The following SNRNP40 variants were observed in gnomAD, a reference collection of about 807,000 sequenced individuals.
The protein encoded by SNRNP40 is U5 small nuclear ribonucleoprotein 40 kDa protein.
SNRNP40 carries 21 observed loss-of-function variants against 45.8 expected under a neutral mutation model. The ratio of observed to expected loss-of-function variants is 0.46; its 90% CI spans 0.32 to 0.66. SNRNP40 has a LOEUF of 0.66. SNRNP40 is among the 30% of genes least tolerant of loss of function. SNRNP40 has a pLI of 0.03. For synonymous variants in SNRNP40, 142 were observed against 163.8 expected, an observed-to-expected ratio of 0.87 and a Z score of 1.01; for missense variants, 344 against 439.1, an observed-to-expected ratio of 0.78 and a Z score of 1.94.
intron 7 of SNRNP40, among the ~76,000 whole-genome samples, chr1:31,268,610 T>C (rs1303655481): frequency 1.3e-5 from 2 of 151,848 alleles, no homozygotes; most frequent in Non-Finnish European, 2.9e-5. Context: ...TGAATCTCAA[T>C]GAGCTCTCAA....
rs1254920349 is a variant in SNRNP40, at chr1:31,267,943, C to T, written c.859-11G>A. The T allele has an allele frequency of 1.2e-6, 2 of 1,601,704 alleles. No homozygotes were observed. Among genetic ancestry groups the T allele is most frequent in the East Asian group, 2.2e-5 (1 of 44,770 alleles). ...ACATCTCAGAAGGTTCTATGATAAA[C>T]AAGAATCCACTGAATAGTAATATAC... On this transcript the variant is annotated splice_polypyrimidine_tract_variant and intron_variant, in intron 7 of 9. Coordinates refer to ENST00000263694, the MANE Select transcript of SNRNP40 (RefSeq NM_004814.3).
At chr1:31,291,885 C>A (rs761640087) in intron 3 of SNRNP40, 28 bp downstream of exon 3, 1 of 1,436,864 alleles carries the variant, frequency 7.0e-7, no homozygotes, top group Non-Finnish European at 9.8e-7. Context: ...GTATGAGAAG[C>A]TGTCCTTCCA....
chr1:31,294,149 G>A (rs1259077246), intron 1 of SNRNP40, among the ~76,000 whole-genome samples: 1 of 151,810 alleles, frequency 6.6e-6, no homozygotes, highest in South Asian at 2.1e-4. Context: ...GTAGAGATGG[G>A]GTTTCACCAT....
intron 3 of SNRNP40, 73 bp from the exon 4 acceptor site, chr1:31,289,492 CA>C (rs1451474031): frequency 7.2e-6 from 10 of 1,389,494 alleles, no homozygotes; most frequent in Non-Finnish European, 9.0e-6. Flanking sequence ...TCCTACTTGA[CA>C]AAAGGTGCCA....
chr1:31,278,393 T>C (rs1557676949), intron 5 of SNRNP40, among the ~76,000 whole-genome samples: 2 of 152,316 alleles, frequency 1.3e-5, no homozygotes, highest in South Asian at 4.1e-4. Flanking sequence ...CTGTTGGTGG[T>C]AGTGAATCTA....
chr1:31,290,885 T>A (rs1363050596), intron 3 of SNRNP40, among the ~76,000 whole-genome samples: 3 of 148,542 alleles, frequency 2.0e-5, no homozygotes, highest in South Asian at 2.1e-4. Context: ...CTCAAAAAAA[T>A]AAAATAAAAT....
intron 4 of SNRNP40, among the ~76,000 whole-genome samples, chr1:31,286,734 T>G (rs2148389441): frequency 1.3e-5 from 2 of 152,298 alleles, no homozygotes; most frequent in South Asian, 4.1e-4. Context: ...TACCCTGTGT[T>G]GTATGGATGC....
chr1:31,289,237 G>A lies in SNRNP40; in HGVS notation c.531+17C>T, dbSNP rs752459307. 167 of 1,611,528 alleles carry A rather than the reference G, an allele frequency of 1.0e-4. No homozygotes were observed. Among genetic ancestry groups the A allele is most frequent in the Non-Finnish European group, 1.3e-4 (155 of 1,178,326 alleles). On this transcript the variant is annotated intron_variant, in intron 4 of 9. Coordinates refer to ENST00000263694, the MANE Select transcript of SNRNP40 (RefSeq NM_004814.3). ...CACATCACCTCAGAAACTGGAACACGGAGAGACAATACCCACCTTAACTGT... is the reference window on the plus strand; with the variant it reads ...CACATCACCTCAGAAACTGGAACACAGAGAGACAATACCCACCTTAACTGT...
rs1473552482 is a variant in SNRNP40, at chr1:31,281,523, C to T, written c.532-27G>A. 2.5e-6 allele frequency: 4 copies of T among 1,576,474 alleles called. No homozygotes were observed. The South Asian group carries it at 4.5e-5, about 18-fold the overall frequency. On this transcript the variant is annotated intron_variant, in intron 4 of 9. Coordinates refer to ENST00000263694, the MANE Select transcript of SNRNP40 (RefSeq NM_004814.3). ...TGAAGCAAAGGACAAGACAGTCTAT[C>T]AGCAACATCATTCTAAGAAGCAATT...
At chr1:31,269,402 C>T in intron 6 of SNRNP40, 162 bp from the exon 7 acceptor site, 1 of 1,382,278 alleles carries the variant, frequency 7.2e-7, no homozygotes, top group Non-Finnish European at 9.4e-7. Context: ...AGGCTCTTTT[C>T]TTTTTCAAGC....
intron 1 of SNRNP40, 28 bp downstream of exon 1, chr1:31,296,583 G>A: frequency 1.3e-6 from 2 of 1,594,426 alleles, no homozygotes; most frequent in South Asian, 1.1e-5. Flanking sequence ...TGAGCTGAGG[G>A]CCAAAGGCCG....
Position 31,294,986 on chromosome 1 carries a change from G to A in SNRNP40, c.141+1625C>T, listed in dbSNP as rs146660623. Among the ~76,000 whole-genome samples, 211 of 151,730 alleles carry A rather than the reference G, an allele frequency of 1.4e-3. 1 individual carries two copies. The highest frequency in any genetic ancestry group is 4.9e-3 in the African/African-American group (204 of 41,398). On this transcript the variant is annotated intron_variant, in intron 1 of 9. Coordinates refer to ENST00000263694, the MANE Select transcript of SNRNP40 (RefSeq NM_004814.3). ...TTACGTGCTAGGCACTGGGCAAACA[G>A]CAATGAACAAAATAAACAATGGAGC... is the stretch of plus-strand genomic sequence containing the variant.
chr1:31,295,236 G>A (rs1471200423), intron 1 of SNRNP40, among the ~76,000 whole-genome samples: 1 of 152,062 alleles, frequency 6.6e-6, no homozygotes, highest in Non-Finnish European at 1.5e-5. Flanking sequence ...GGTGGTGTGT[G>A]TCTGTGGTCC....
chr1:31,289,635 T>C (rs1460061255), intron 3 of SNRNP40, among the ~76,000 whole-genome samples: 1 of 152,182 alleles, frequency 6.6e-6, no homozygotes, highest in African/African-American at 2.4e-5. Context: ...CTGTGAAGTT[T>C]AAAAAATTCC....
chr1:31,272,052 G>A (rs1645942843), intron 5 of SNRNP40, among the ~76,000 whole-genome samples: 1 of 151,920 alleles, frequency 6.6e-6, no homozygotes, highest in Non-Finnish European at 1.5e-5. Flanking sequence ...AATTCAGAAA[G>A]GTTATTTTCA....
intron 8 of SNRNP40, 35 bp from the exon 9 acceptor site, chr1:31,261,667 C>G: frequency 7.1e-7 from 1 of 1,410,142 alleles, no homozygotes; most frequent in Non-Finnish European, 1.0e-6. Context: ...GGTAAGTCCT[C>G]TTAGAGCTGG....
At chr1:31,274,391 C>T (rs1362910201) in intron 5 of SNRNP40, among the ~76,000 whole-genome samples, 1 of 152,022 alleles carries the variant, frequency 6.6e-6, no homozygotes, top group Non-Finnish European at 1.5e-5. Flanking sequence ...CGCGCACCAC[C>T]ACACCCAGCT....
chr1:31,272,426 T>C (rs1331262520), intron 5 of SNRNP40, among the ~76,000 whole-genome samples: 6 of 152,178 alleles, frequency 3.9e-5, no homozygotes, highest in African/African-American at 9.6e-5. Context: ...TAAATTATGG[T>C]TCATAAGCAC....
chr1:31,283,127 T>C (rs117307461), intron 4 of SNRNP40, among the ~76,000 whole-genome samples: 3,396 of 151,934 alleles, frequency 0.022, 81 homozygotes, highest in Admixed American at 0.056. Context: ...TGGCAAGGAG[T>C]TGAAGGCAGG....
Sources: gnomAD v4.1 joint callset for allele counts (sites outside exome capture counted in the v4.1 genomes callset) on GRCh38, gnomAD v4.1.1 for gene constraint, MANE v1.5 for transcripts, NCBI Gene and HGNC (gene_info 2026-07-23, HGNC 2026-07-21) for gene names.